SEMA5A: variants seen among roughly 807,000 people sequenced by gnomAD.
The protein encoded by SEMA5A is semaphorin 5A.
SEMA5A carries 55 observed loss-of-function variants against 135.5 expected under a neutral mutation model. The ratio of observed to expected loss-of-function variants is 0.41; its 90% CI spans 0.33 to 0.51. SEMA5A has a LOEUF of 0.51. Ranked by LOEUF, SEMA5A falls within the 20% of genes least tolerant of loss-of-function variation. The pLI is 0.37. For missense variants in SEMA5A, 1,290 were observed against 1,419.9 expected (o/e 0.91, Z 1.47); for synonymous variants, 580 against 546.5 (o/e 1.06, Z -0.85).
At chr5:9,383,251 G>T (rs1755692450) in intron 2 of SEMA5A, among the ~76,000 whole-genome samples, 1 of 152,222 alleles carries the variant, frequency 6.6e-6, no homozygotes, top group African/African-American at 2.4e-5. Context: ...TGAGCTTCCT[G>T]ATCTGAGACT....
chr5:9,451,904 A>G (rs452875), intron 1 of SEMA5A, among the ~76,000 whole-genome samples: 144,115 of 152,254 alleles, frequency 0.95, 68,308 homozygotes, highest in African/African-American at 0.97. Flanking sequence ...GGAGGAAACA[A>G]CAAGTAAGGA....
intron 15 of SEMA5A, among the ~76,000 whole-genome samples, chr5:9,116,987 G>T (rs977751698): frequency 3.3e-5 from 5 of 152,044 alleles, no homozygotes; most frequent in African/African-American, 1.2e-4. Context: ...CAATAGAAAA[G>T]CTTAAATTCT....
At chr5:9,109,639 G>A (rs1740135553) in intron 15 of SEMA5A, among the ~76,000 whole-genome samples, 1 of 152,126 alleles carries the variant, frequency 6.6e-6, no homozygotes, top group Non-Finnish European at 1.5e-5. Context: ...CCATCTGCTG[G>A]TGTAAGTCAG....
Position 9,161,036 on chromosome 5 carries a change from C to T in SEMA5A, c.1274-6341G>A, listed in dbSNP as rs547462323. 2.0e-5 allele frequency among the ~76,000 whole-genome samples: 3 copies of T among 152,240 alleles called. No homozygotes were observed. In the East Asian group the frequency reaches 5.8e-4, roughly 29 times the overall value. ...GAATCTTATATTCCCAGTCCCCATC[C>T]CACAGGAAAACGTGTTCATGTCCTG... On this transcript the variant is annotated intron_variant, in intron 11 of 22. Coordinates refer to ENST00000382496, the MANE Select transcript of SEMA5A (RefSeq NM_003966.3).
At chr5:9,336,659 C>G (rs1753404402) in intron 4 of SEMA5A, among the ~76,000 whole-genome samples, 1 of 152,204 alleles carries the variant, frequency 6.6e-6, no homozygotes, top group African/African-American at 2.4e-5. Context: ...TGTAAAATTA[C>G]AACCATTCAT....
At chr5:9,157,114 T>C (rs1002717019) in intron 11 of SEMA5A, among the ~76,000 whole-genome samples, 2 of 152,216 alleles carry the variant, frequency 1.3e-5, no homozygotes, top group Admixed American at 6.5e-5. Flanking sequence ...CCCTGGAGTG[T>C]CTAGTCATGT....
intron 5 of SEMA5A, among the ~76,000 whole-genome samples, chr5:9,299,541 C>G (rs1751504268): frequency 6.6e-6 from 1 of 152,122 alleles, no homozygotes. Flanking sequence ...GGGTGCTGAC[C>G]AGTGGAGTGG....
chr5:9,098,956 T>G (rs1397309844), intron 16 of SEMA5A, among the ~76,000 whole-genome samples: 1 of 152,220 alleles, frequency 6.6e-6, no homozygotes, highest in Non-Finnish European at 1.5e-5. Context: ...TGTATTTGAA[T>G]TATTGTAGGC....
At chr5:9,438,947 G>A (rs193029557) in intron 1 of SEMA5A, among the ~76,000 whole-genome samples, 2 of 152,312 alleles carry the variant, frequency 1.3e-5, no homozygotes, top group African/African-American at 4.8e-5. Flanking sequence ...GGGTTCAGAG[G>A]CCAGGGAACA....
chr5:9,117,090 C>T (rs1367349012), intron 15 of SEMA5A, among the ~76,000 whole-genome samples: 1 of 152,194 alleles, frequency 6.6e-6, no homozygotes, highest in Non-Finnish European at 1.5e-5. Context: ...TACAAATGAA[C>T]ATTTCTTCTT....
intron 12 of SEMA5A, among the ~76,000 whole-genome samples, chr5:9,150,926 A>G (rs375002229): frequency 6.6e-6 from 1 of 152,122 alleles, no homozygotes; most frequent in African/African-American, 2.4e-5. Flanking sequence ...CTGAAATCTG[A>G]CCACTGAATG....
intron 13 of SEMA5A, among the ~76,000 whole-genome samples, chr5:9,127,189 C>G (rs1741162695): frequency 1.3e-5 from 2 of 152,176 alleles, no homozygotes; most frequent in Non-Finnish European, 2.9e-5. Context: ...ATCAGTCATG[C>G]TGGAATTCTC....
chr5:9,361,558 TC>T (rs1340147442), intron 3 of SEMA5A, among the ~76,000 whole-genome samples: 6 of 152,140 alleles, frequency 3.9e-5, no homozygotes, highest in Admixed American at 1.3e-4. Context: ...GTTAATCTGT[TC>T]CTCCCTATGC....
chr5:9,478,916 C>T (rs770147487), intron 1 of SEMA5A, among the ~76,000 whole-genome samples: 98 of 152,216 alleles, frequency 6.4e-4, no homozygotes, highest in South Asian at 2.7e-3. Flanking sequence ...TGTGTCCCCA[C>T]CCAAATCTCA....
chr5:9,338,794 T>C (rs1322474620), intron 3 of SEMA5A, among the ~76,000 whole-genome samples: 2 of 152,188 alleles, frequency 1.3e-5, no homozygotes, highest in East Asian at 3.9e-4. Context: ...ACGCTGATGC[T>C]AAACACATCA....
Position 9,204,265 on chromosome 5 carries a change from G to A in SEMA5A, c.647-2025C>T, listed in dbSNP as rs1294012222. 1.3e-5 allele frequency among the ~76,000 whole-genome samples: 2 copies of A among 152,090 alleles called. No homozygotes were observed. Among genetic ancestry groups the A allele is most frequent in the Non-Finnish European group, 2.9e-5 (2 of 68,024 alleles). On this transcript the variant is annotated intron_variant, in intron 8 of 22. Coordinates refer to ENST00000382496, the MANE Select transcript of SEMA5A (RefSeq NM_003966.3). This position sits in a 1 kb window ranked among gnomAD's most constrained non-coding sequence, Gnocchi z 6.4. ...GGAAAACAAAGAGAGAAGGCGTAAGGGTCCAAGTGTGTCTAGCCCGGGACT... is the reference window on the plus strand; with the variant it reads ...GGAAAACAAAGAGAGAAGGCGTAAGAGTCCAAGTGTGTCTAGCCCGGGACT...
At chr5:9,062,707 C>A (rs1045751793) in intron 18 of SEMA5A, among the ~76,000 whole-genome samples, 180 bp downstream of exon 18, 14 of 152,184 alleles carry the variant, frequency 9.2e-5, no homozygotes, top group African/African-American at 3.1e-4. Context: ...GTGATTCCCC[C>A]TCTCTGGCCT....
At chr5:9,492,579 A>G (rs1378998833) in intron 1 of SEMA5A, among the ~76,000 whole-genome samples, 2 of 152,192 alleles carry the variant, frequency 1.3e-5, no homozygotes, top group Non-Finnish European at 2.9e-5. Context: ...CAAGCTCCTC[A>G]TTATCATCTC....
intron 2 of SEMA5A, among the ~76,000 whole-genome samples, chr5:9,397,095 G>A (rs1756440308): frequency 6.6e-6 from 1 of 151,150 alleles, no homozygotes; most frequent in Non-Finnish European, 1.5e-5. Context: ...AAATCAGGAA[G>A]ACAAGACATT....
Sources: gnomAD v4.1 joint callset for allele counts (sites outside exome capture counted in the v4.1 genomes callset) on GRCh38, gnomAD v4.1.1 for gene constraint, Gnocchi (gnomAD v3.1) non-coding constraint, MANE v1.5 for transcripts, NCBI Gene and HGNC (gene_info 2026-07-23, HGNC 2026-07-21) for gene names.